SLC25A30: variants seen among roughly 807,000 people sequenced by gnomAD.
The protein encoded by SLC25A30 is kidney mitochondrial carrier protein 1.
In SLC25A30, 29 loss-of-function variants were observed where a neutral mutation model predicts 42.7. The observed-to-expected ratio is 0.68, with a 90% CI of 0.51 to 0.93. The LOEUF (loss-of-function observed/expected upper bound fraction) is 0.93, where lower values mean the gene tolerates loss of function less well. SLC25A30 is among the 40% of genes least tolerant of loss of function. The pLI is 0.00. For missense variants in SLC25A30, 300 were observed against 359.7 expected, an observed-to-expected ratio of 0.83 and a Z score of 1.34; for synonymous variants, 124 against 131.0, an observed-to-expected ratio of 0.95 and a Z score of 0.37.
At chr13:45,417,013 C>T (rs1289738735) in intron 1 of SLC25A30, among the ~76,000 whole-genome samples, 1 of 152,024 alleles carries the variant, frequency 6.6e-6, no homozygotes, top group Non-Finnish European at 1.5e-5. Flanking sequence ...TTCCAAGTTT[C>T]TCTTATTTAT....
the SLC25A30 span, among the ~76,000 whole-genome samples, chr13:45,423,982 T>C: frequency 2.3e-5 from 2 of 87,382 alleles, no homozygotes; most frequent in African/African-American, 4.7e-5. Flanking sequence ...TAACAATATA[T>C]ATTTATATAA....
chr13:45,403,930 C>T (rs1882246468), intron 5 of SLC25A30, among the ~76,000 whole-genome samples: 1 of 140,846 alleles, frequency 7.1e-6, no homozygotes, highest in African/African-American at 2.8e-5. Context: ...GAGTGAGACT[C>T]CATCTCAAAA....
chr13:45,427,738 T>TTTTTCTTTTCTTTTC, the SLC25A30 span, among the ~76,000 whole-genome samples: 3,058 of 148,650 alleles, frequency 0.021, 70 homozygotes, highest in Non-Finnish European at 0.021. Context: ...CCCCCTACAA[T>TTTTTCTTTTCTTTTC]TTTTCTTTTC....
intron 2 of SLC25A30, among the ~76,000 whole-genome samples, 183 bp from the exon 3 acceptor site, chr13:45,409,257 C>G (rs1038133108): frequency 6.6e-6 from 1 of 151,970 alleles, no homozygotes; most frequent in Non-Finnish European, 1.5e-5. Context: ...TAATAAAACC[C>G]AAAAAATGCA....
chr13:45,418,158 GT>G (rs1266783268), intron 1 of SLC25A30, 141 bp downstream of exon 1: 1 of 153,188 alleles, frequency 6.5e-6, no homozygotes, highest in East Asian at 1.9e-4. Flanking sequence ...GGCCTGCGAA[GT>G]GGAGAGCACA....
intron 8 of SLC25A30, chr13:45,397,976 G>A: frequency 6.1e-6 from 6 of 985,438 alleles, no homozygotes; most frequent in Non-Finnish European, 7.2e-6. Context: ...AGAAGCAATA[G>A]TGGTAGAGAT....
At chr13:45,402,141 C>A in intron 6 of SLC25A30, 134 bp downstream of exon 6, 5 of 515,438 alleles carry the variant, frequency 9.7e-6, no homozygotes, top group Non-Finnish European at 1.4e-5. Flanking sequence ...AAGATATTTT[C>A]ATGGGCAGAA....
chr13:45,418,906 ACTCCAGCCTGGG>A (rs1426259681), upstream of SLC25A30, among the ~76,000 whole-genome samples: 3 of 132,986 alleles, frequency 2.3e-5, no homozygotes, highest in African/African-American at 8.3e-5. Flanking sequence ...GTACCACTGC[ACTCCAGCCTGGG>A]CAACAAAGCG....
chr13:45,419,130 TAAAAAAA>T (rs374462224), upstream of SLC25A30, among the ~76,000 whole-genome samples: 41 of 90,524 alleles, frequency 4.5e-4, no homozygotes, highest in African/African-American at 6.2e-4. Context: ...TACTCCCTCT[TAAAAAAA>T]AAAAAAAAAA....
chr13:45,425,721 C>T, the SLC25A30 span, among the ~76,000 whole-genome samples: 158 of 137,606 alleles, frequency 1.1e-3, 1 homozygote, highest in South Asian at 0.019. Flanking sequence ...GGGACTGAGT[C>T]TCGCTGTATC....
At chr13:45,424,226 T>A in the SLC25A30 span, among the ~76,000 whole-genome samples, 1 of 89,262 alleles carries the variant, frequency 1.1e-5, no homozygotes, top group Non-Finnish European at 1.9e-5. Flanking sequence ...TATATAAATA[T>A]ATGTAAATAT....
At chr13:45,402,931 C>A in intron 5 of SLC25A30, 1 of 418,298 alleles carries the variant, frequency 2.4e-6, no homozygotes, top group Non-Finnish European at 3.2e-6. Flanking sequence ...ACCAAGATTC[C>A]AACATAAAAA....
chr13:45,420,037 G>C (rs539476409), upstream of SLC25A30, among the ~76,000 whole-genome samples: 1 of 151,988 alleles, frequency 6.6e-6, no homozygotes, highest in Non-Finnish European at 1.5e-5. Flanking sequence ...GAGGAAGGAA[G>C]GGAGGAAGGA....
chr13:45,425,558 A>G, the SLC25A30 span, among the ~76,000 whole-genome samples: 14 of 108,104 alleles, frequency 1.3e-4, no homozygotes, highest in African/African-American at 5.1e-4. Context: ...ATAAGTATAT[A>G]TATAAATATA....
Position 45,397,303 on chromosome 13 carries a change from T to C in SLC25A30, c.789A>G (p.Lys263=). The C allele has an allele frequency of 6.2e-7, 1 of 1,612,970 alleles. No individual in the cohort carries two copies. Among genetic ancestry groups the C allele is most frequent in the Non-Finnish European group, 8.5e-7 (1 of 1,179,168 alleles). The change falls in exon 9 of 10, where the codon AAA becomes AAG. Residue 263 remains lysine (K), a synonymous_variant. Coordinates refer to ENST00000519676, the MANE Select transcript of SLC25A30 (RefSeq NM_001010875.4). ...GTCTCAACCAATTTGGCCAAAAGCC[T>C]TTATAGAGAGCAAAAAACCCTTCAT... The part of the protein sequence containing the change: ...WKNEGFFALY[K]GFWPNWLRLG...
In SLC25A30 at chr13:45,404,376, A is replaced by T. The variant is rs752583990; in HGVS notation, c.344T>A (p.Leu115Gln). Residue 115 changes from leucine (L) to glutamine (Q), a missense_variant, in exon 5 of 10, where the codon CTG (leucine) becomes CAG (glutamine). Coordinates refer to ENST00000519676, the MANE Select transcript of SLC25A30 (RefSeq NM_001010875.4). Reference protein sequence around the residue: ...TLPINVICGILSGVISSTIAN... With the variant: ...TLPINVICGIQSGVISSTIAN... ...AATGGTTGAAGATATGACTCCAGAC[A>T]GAATTCCACATATCACATTTATCGG... is the stretch of plus-strand genomic sequence containing the variant. The T allele has an allele frequency of 1.9e-6, 3 of 1,613,568 alleles. No individual in the cohort carries two copies. In the Admixed American group the frequency reaches 5.0e-5, roughly 27 times the overall value.
intron 3 of SLC25A30, 108 bp from the exon 4 acceptor site, chr13:45,406,085 A>C: frequency 1.0e-6 from 1 of 1,003,262 alleles, no homozygotes; most frequent in Non-Finnish European, 1.5e-6. Flanking sequence ...ATTCTCTAAA[A>C]CAATTTTTTT....
Position 45,395,352 on chromosome 13 carries a change from C to T in SLC25A30, c.*622G>A. The T allele has an allele frequency of 2.0e-6, 2 of 986,520 alleles. No individual in the cohort carries two copies. The highest frequency in any genetic ancestry group is 4.7e-5 in the South Asian group (1 of 21,340). 61.1% of individuals were successfully genotyped at this position (986,520 alleles called of 1,614,324 possible). A position where few individuals can be genotyped will look rare whatever the true frequency, so the allele number is the denominator to read the frequency against. ...AGAGATTATTACTTTGTAACAATTT[C>T]TCACAAATGTCAAGTCTTCAAAGCT... On this transcript the variant is annotated 3_prime_UTR_variant, in exon 10 of 10. Coordinates refer to ENST00000519676, the MANE Select transcript of SLC25A30 (RefSeq NM_001010875.4).
chr13:45,431,197 A>T, the SLC25A30 span, among the ~76,000 whole-genome samples: 1 of 150,660 alleles, frequency 6.6e-6, no homozygotes, highest in Non-Finnish European at 1.5e-5. Context: ...ACAAGCATGT[A>T]CCACCACACC....
Sources: gnomAD v4.1 joint callset for allele counts (sites outside exome capture counted in the v4.1 genomes callset) on GRCh38, gnomAD v4.1.1 for gene constraint, MANE v1.5 for transcripts, NCBI Gene and HGNC (gene_info 2026-07-23, HGNC 2026-07-21) for gene names.